DIAPH2: variants seen among roughly 807,000 people sequenced by gnomAD.
The protein encoded by DIAPH2 is protein diaphanous homolog 2.
Under a neutral mutation model 92.7 loss-of-function variants are expected in DIAPH2, and 35 were observed. That is an observed-to-expected ratio of 0.38 (90% CI 0.29 to 0.50). The LOEUF (loss-of-function observed/expected upper bound fraction) is 0.50, where lower values mean the gene tolerates loss of function less well. Among genes scored for constraint, DIAPH2 ranks in the 20% least tolerant of loss-of-function variants. DIAPH2 has a pLI of 0.94. For missense variants in DIAPH2, 701 were observed against 819.5 expected (o/e 0.86, Z 1.77); for synonymous variants, 301 against 280.4 (o/e 1.07, Z -0.73).
chrX:97,142,777 A>G (rs1251364393), intron 22 of DIAPH2, among the ~76,000 whole-genome samples: 1 of 112,040 alleles, frequency 8.9e-6, no homozygotes, highest in African/African-American at 3.2e-5. Context: ...TAAATCTTAT[A>G]CTTGAAATTA....
intron 1 of DIAPH2, 107 bp downstream of exon 1, chrX:96,685,297 G>A: frequency 1.1e-6 from 1 of 870,427 alleles, no homozygotes; most frequent in Non-Finnish European, 1.5e-6. Context: ...GGATGACCGC[G>A]ACCTCGCTGT....
At chrX:97,021,014 G>T (rs929922667) in intron 17 of DIAPH2, among the ~76,000 whole-genome samples, 4 of 111,340 alleles carry the variant, frequency 3.6e-5, no homozygotes, top group Admixed American at 1.9e-4. Flanking sequence ...TATATATAAG[G>T]AAGATTATTT....
intron 5 of DIAPH2, among the ~76,000 whole-genome samples, chrX:96,905,867 C>T (rs2065429702): frequency 8.9e-6 from 1 of 112,319 alleles, no homozygotes; most frequent in Non-Finnish European, 1.9e-5. Context: ...CGGTGGCTCA[C>T]GCCTGTAATC....
intron 22 of DIAPH2, among the ~76,000 whole-genome samples, chrX:97,241,040 A>G (rs1242511536): frequency 9.0e-6 from 1 of 111,392 alleles, no homozygotes; most frequent in African/African-American, 3.3e-5. Context: ...TATATAAGTA[A>G]CATGACCTTG....
intron 24 of DIAPH2, among the ~76,000 whole-genome samples, chrX:97,371,346 T>C (rs949995869): frequency 9.0e-6 from 1 of 111,343 alleles, no homozygotes; most frequent in Non-Finnish European, 1.9e-5. Context: ...TAGGGATTAG[T>C]TTCAACTTTG....
chrX:96,893,961 TATA>T (rs1262623381), intron 5 of DIAPH2, among the ~76,000 whole-genome samples: 2 of 112,368 alleles, frequency 1.8e-5, no homozygotes, highest in Admixed American at 1.9e-4. Context: ...GCTGTAAGTG[TATA>T]GCCTCTCACA....
In DIAPH2 at chrX:96,859,886, C is replaced by T. The variant is rs1054087008; in HGVS notation, c.448-21693C>T. On this transcript the variant is annotated intron_variant, in intron 4 of 26. Transcript: ENST00000324765. ...TCGATCTCCTGACCTTGTGATCCGC[C>T]CGCCTCGGCCTCCCAAAGTGTTGGG... is the stretch of plus-strand genomic sequence containing the variant. Among the ~76,000 whole-genome samples, 4 of 111,278 alleles carry T rather than the reference C, an allele frequency of 3.6e-5. No individual in the cohort carries two copies. The East Asian group carries it at 1.1e-3, about 31-fold the overall frequency.
intron 26 of DIAPH2, among the ~76,000 whole-genome samples, chrX:97,502,567 A>G (rs1285870926): frequency 8.9e-6 from 1 of 112,350 alleles, no homozygotes; most frequent in Non-Finnish European, 1.9e-5. Context: ...TAACAGGTCT[A>G]CAGATTTTAT....
chrX:97,159,602 G>A (rs756348179), intron 22 of DIAPH2, among the ~76,000 whole-genome samples: 1 of 111,694 alleles, frequency 9.0e-6, no homozygotes, highest in Non-Finnish European at 1.9e-5. Context: ...GTGCCACGAG[G>A]ATTGAAAAGT....
chrX:96,931,608 G>GA lies in DIAPH2; in HGVS notation c.1089+772dup, dbSNP rs200899572. Among the ~76,000 whole-genome samples, 759 of 107,430 alleles carry GA rather than the reference G, an allele frequency of 7.1e-3. 8 individuals carry two copies. The highest frequency in any genetic ancestry group is 0.024 in the African/African-American group (723 of 29,743). 93.3% of individuals were successfully genotyped at this position (107,430 alleles called of 115,157 possible). On this transcript the variant is annotated intron_variant, in intron 10 of 26. Coordinates refer to ENST00000324765, the MANE Select transcript of DIAPH2 (RefSeq NM_006729.5). The stretch of plus-strand genomic sequence containing the variant: ...AAGTGAGAAAAAAGCACTAAGGAGA[G>GA]AAAAAAACAACAACAACAAATGTCA...
At chrX:96,742,769 C>T (rs777495125) in intron 3 of DIAPH2, among the ~76,000 whole-genome samples, 2 of 109,364 alleles carry the variant, frequency 1.8e-5, no homozygotes, top group Admixed American at 9.8e-5. Context: ...CAGGTTCAAA[C>T]GATTCTCGTG....
intron 17 of DIAPH2, among the ~76,000 whole-genome samples, chrX:97,027,807 T>C (rs1272651210): frequency 8.9e-6 from 1 of 112,307 alleles, no homozygotes. Flanking sequence ...AGCATTCCAA[T>C]GACGCCAAAA....
intron 21 of DIAPH2, among the ~76,000 whole-genome samples, chrX:97,137,786 G>T: frequency 8.9e-6 from 1 of 111,755 alleles, no homozygotes. Flanking sequence ...GGAGTGTCTT[G>T]TATGCAAAAT....
In DIAPH2 at chrX:97,384,159, C is replaced by T. The variant is rs761491876; in HGVS notation, c.3145+115C>T. 4.0e-5 allele frequency: 26 copies of T among 648,018 alleles called. No individual in the cohort carries two copies. The Admixed American group carries it at 9.3e-4, about 23-fold the overall frequency. 53.4% of individuals were successfully genotyped at this position (648,018 alleles called of 1,213,427 possible). Reference sequence around the variant, plus strand: ...AGAAAATTCACAATAGTATTAGTTACTTGTGCTAAATTTCTCTCATGATGC... The same window carrying T: ...AGAAAATTCACAATAGTATTAGTTATTTGTGCTAAATTTCTCTCATGATGC... On this transcript the variant is annotated intron_variant, in intron 25 of 26. Transcript: ENST00000324765.
At chrX:96,734,205 A>C (rs2147564660) in intron 1 of DIAPH2, among the ~76,000 whole-genome samples, 1 of 112,304 alleles carries the variant, frequency 8.9e-6, no homozygotes, top group Admixed American at 9.5e-5. Flanking sequence ...AGCAAAAAGT[A>C]TTTTCCCTTC....
At chrX:97,222,633 T>A (rs1207385059) in intron 22 of DIAPH2, among the ~76,000 whole-genome samples, 1 of 112,361 alleles carries the variant, frequency 8.9e-6, no homozygotes, top group Admixed American at 9.4e-5. Context: ...ATATGAATCA[T>A]GTCTTGGATT....
intron 26 of DIAPH2, chrX:97,528,828 A>T (rs2071040958): frequency 9.0e-6 from 1 of 111,727 alleles, no homozygotes; most frequent in Non-Finnish European, 1.9e-5. Flanking sequence ...AGTCAGAGAA[A>T]CATAGAGAAA....
At chrX:96,963,499 G>A (rs902405558) in intron 16 of DIAPH2, among the ~76,000 whole-genome samples, 2 of 111,705 alleles carry the variant, frequency 1.8e-5, no homozygotes, top group Admixed American at 9.5e-5. Context: ...ACTGCAGCTC[G>A]CTTTGTATAC....
chrX:97,496,168 C>CTTTTTTTTTT (rs10632820), intron 26 of DIAPH2, among the ~76,000 whole-genome samples: 3 of 54,089 alleles, frequency 5.5e-5, no homozygotes, highest in Non-Finnish European at 9.2e-5. Flanking sequence ...GAATTGGTAC[C>CTTTTTTTTTT]TTTTTTTTTT....
Sources: allele counts gnomAD v4.1 joint callset (sites outside exome capture counted in the v4.1 genomes callset), GRCh38; gene constraint gnomAD v4.1.1; transcripts MANE v1.5; gene names NCBI Gene and HGNC (gene_info 2026-07-23, HGNC 2026-07-21).